SWT1: variants seen among roughly 807,000 people sequenced by gnomAD.
The protein encoded by SWT1 is transcriptional protein SWT1.
Under a neutral mutation model 107.3 loss-of-function variants are expected in SWT1, and 33 were observed. That is an observed-to-expected ratio of 0.31 (90% CI 0.23 to 0.41). The LOEUF is 0.41. Ranked by LOEUF, SWT1 falls within the 10% of genes least tolerant of loss-of-function variation. The pLI, the probability that SWT1 is intolerant of heterozygous loss-of-function variation, is 1.00. For synonymous variants in SWT1, 345 were observed against 348.3 expected (o/e 0.99, Z 0.11); for missense variants, 898 against 1,028.9 (o/e 0.87, Z 1.74).
In SWT1 at chr1:185,290,800, A is replaced by G; in HGVS notation, c.2700A>G (p.Ile900Met). 2 of 1,602,218 alleles carry G rather than the reference A, an allele frequency of 1.2e-6. No homozygotes were observed. Among genetic ancestry groups the G allele is most frequent in the African/African-American group, 1.3e-5 (1 of 74,608 alleles). ...GTGAAGACATGCTCAACTATAGGATATAAGTACTGATTTGTAACTTTAAAG... is the reference window on the plus strand; with the variant it reads ...GTGAAGACATGCTCAACTATAGGATGTAAGTACTGATTTGTAACTTTAAAG... The part of the protein sequence containing the change: ...GWCEDMLNYR[I>M] The change falls in exon 19 of 19, where the codon ATA becomes ATG. Residue 900 changes from isoleucine to methionine, a missense_variant. Ile to Met is a conservative substitution (Grantham distance 10, BLOSUM62 1). Coordinates refer to ENST00000367500, the MANE Select transcript of SWT1 (RefSeq NM_017673.7).
chr1:185,164,324 A>G (rs1654399497), intron 2 of SWT1, among the ~76,000 whole-genome samples: 1 of 152,202 alleles, frequency 6.6e-6, no homozygotes, highest in African/African-American at 2.4e-5. Flanking sequence ...TAAGGTACCT[A>G]GGATTTTCTG....
intron 13 of SWT1, among the ~76,000 whole-genome samples, chr1:185,207,196 CT>C (rs758014065): frequency 2.0e-5 from 3 of 152,118 alleles, no homozygotes; most frequent in Non-Finnish European, 2.9e-5. Flanking sequence ...GTCAAGGTTT[CT>C]ATTTAAACTA....
intron 10 of SWT1, among the ~76,000 whole-genome samples, chr1:185,191,048 G>C (rs915382935): frequency 2.6e-5 from 4 of 152,124 alleles, no homozygotes; most frequent in Non-Finnish European, 4.4e-5. Context: ...TGCCTGGCTT[G>C]GAGTCCTGAT....
chr1:185,189,929 A>G (rs1038703927), intron 9 of SWT1, among the ~76,000 whole-genome samples: 3 of 151,636 alleles, frequency 2.0e-5, no homozygotes, highest in African/African-American at 7.3e-5. Context: ...GCTCACTGCA[A>G]CCTCTGCCTC....
intron 12 of SWT1, 115 bp downstream of exon 12, chr1:185,204,978 G>T: frequency 1.7e-6 from 1 of 594,294 alleles, no homozygotes; most frequent in Non-Finnish European, 2.7e-6. Context: ...TCTGTATCAT[G>T]TTACATTTTT....
chr1:185,172,309 A>C (rs1655143387), intron 4 of SWT1, among the ~76,000 whole-genome samples: 2 of 152,182 alleles, frequency 1.3e-5, no homozygotes, highest in Admixed American at 6.5e-5. Context: ...TGCTTGTTTA[A>C]GATGTTGAGA....
chr1:185,170,930 C>T (rs1025568692), intron 4 of SWT1, among the ~76,000 whole-genome samples: 3 of 152,160 alleles, frequency 2.0e-5, no homozygotes, highest in Admixed American at 1.3e-4. Flanking sequence ...CTTAGGCAGA[C>T]GTCACCTGTT....
intron 16 of SWT1, among the ~76,000 whole-genome samples, chr1:185,265,165 C>T (rs1663285747): frequency 6.6e-6 from 1 of 151,980 alleles, no homozygotes; most frequent in Non-Finnish European, 1.5e-5. Context: ...TATAGTTAAC[C>T]TATATGTATT....
intron 9 of SWT1, among the ~76,000 whole-genome samples, chr1:185,188,854 T>C (rs1462538015): frequency 2.0e-5 from 3 of 152,190 alleles, no homozygotes; most frequent in East Asian, 3.8e-4. Context: ...AGAAATATAT[T>C]TGGGGTATGG....
At chr1:185,178,280 A>G (rs1377903325) in intron 5 of SWT1, among the ~76,000 whole-genome samples, 1 of 152,124 alleles carries the variant, frequency 6.6e-6, no homozygotes, top group Non-Finnish European at 1.5e-5. Context: ...CAGTATGACT[A>G]GAGTCAAGAT....
rs377042875 is a variant in SWT1, at chr1:185,288,080, G to A, written c.2574-2594G>A. Among the ~76,000 whole-genome samples the A allele has an allele frequency of 2.0e-5, 3 of 152,230 alleles. No homozygotes were observed. The East Asian group carries it at 5.8e-4, about 29-fold the overall frequency. ...TTTAGTTTGTTTCGTTTTTAAGTTT[G>A]TAAGAAAACATTTATATCTCTGCTA... On this transcript the variant is annotated intron_variant, in intron 18 of 18. Coordinates refer to ENST00000367500, the MANE Select transcript of SWT1 (RefSeq NM_017673.7).
rs1655410114 is a variant in SWT1 at position 185,174,938 on chromosome 1, A to G, written c.791A>G (p.Gln264Arg). 1 of 1,613,818 alleles carries G rather than the reference A, an allele frequency of 6.2e-7. No individual in the cohort carries two copies. Among genetic ancestry groups the G allele is most frequent in the South Asian group, 1.1e-5 (1 of 90,998 alleles). The change falls in exon 5 of 19, where the codon CAG becomes CGG. Residue 264 changes from glutamine (Q) to arginine (R), a missense_variant. By Grantham distance (43) the Gln-to-Arg change is conservative (BLOSUM62 1). This residue lies in a region of SWT1 where 382 missense variants were observed against 362.4 expected (regional missense o/e 1.05). Transcript: ENST00000367500. ...GATTCTAATAATTCGAAGACTAAGC[A>G]GGAAGAAAGAGAATACCTGGAAAGC... ...NIDSNNSKTK[Q>R]EEREYLESSQ... is the part of the protein sequence containing the mutation.
chr1:185,272,079 C>T (rs953667787), intron 17 of SWT1, among the ~76,000 whole-genome samples: 1 of 152,168 alleles, frequency 6.6e-6, no homozygotes, highest in African/African-American at 2.4e-5. Flanking sequence ...AGTATTCCAT[C>T]TCCCCATCCA....
At chr1:185,278,693 C>T (rs1327933571) in intron 18 of SWT1, among the ~76,000 whole-genome samples, 3 of 152,116 alleles carry the variant, frequency 2.0e-5, no homozygotes, top group Admixed American at 6.5e-5. Context: ...TCGTAAATGT[C>T]GCCACTGCAT....
At chr1:185,203,326 TAATC>T (rs1658035848) in intron 11 of SWT1, among the ~76,000 whole-genome samples, 1 of 152,178 alleles carries the variant, frequency 6.6e-6, no homozygotes, top group Non-Finnish European at 1.5e-5. Flanking sequence ...TTTAAACTAA[TAATC>T]AAGAAGTAAC....
chr1:185,289,286 A>G (rs765240783), intron 18 of SWT1, among the ~76,000 whole-genome samples: 3 of 152,194 alleles, frequency 2.0e-5, no homozygotes, highest in Non-Finnish European at 1.5e-5. Flanking sequence ...CATGAAGACA[A>G]CCTTGGTGTG....
chr1:185,282,663 AGTT>A (rs1664708901), intron 18 of SWT1, among the ~76,000 whole-genome samples: 7 of 152,074 alleles, frequency 4.6e-5, no homozygotes, highest in Admixed American at 4.6e-4. Flanking sequence ...TGTTACTTGT[AGTT>A]GTTGTCTGAA....
At chr1:185,215,965 C>T (rs1378331578) in intron 14 of SWT1, among the ~76,000 whole-genome samples, 1 of 151,928 alleles carries the variant, frequency 6.6e-6, no homozygotes, top group East Asian at 1.9e-4. Flanking sequence ...ATTATGTTCT[C>T]TTTTTTCTCT....
At chr1:185,200,738 C>T (rs1422032541) in intron 10 of SWT1, among the ~76,000 whole-genome samples, 2 of 152,242 alleles carry the variant, frequency 1.3e-5, no homozygotes, top group African/African-American at 4.8e-5. Context: ...CAAGGACCCA[C>T]TTGAGGAGGC....
Sources: allele counts gnomAD v4.1 joint callset (sites outside exome capture counted in the v4.1 genomes callset), GRCh38; gene constraint gnomAD v4.1.1; regional missense constraint gnomAD v4.1.1; transcripts MANE v1.5; gene names NCBI Gene and HGNC (gene_info 2026-07-23, HGNC 2026-07-21).